The following NADSYN1 variants were observed in gnomAD, a reference collection of about 807,000 sequenced individuals.
NADSYN1 encodes the protein NAD synthetase 1.
Under a neutral mutation model 99.3 loss-of-function variants are expected in NADSYN1, and 80 were observed. The observed-to-expected ratio is 0.81, with a 90% CI of 0.67 to 0.97. The LOEUF is 0.97. Ranked by LOEUF, NADSYN1 falls within the 50% of genes least tolerant of loss-of-function variation. The pLI is 0.00. For synonymous variants in NADSYN1, 385 were observed against 372.1 expected (o/e 1.03, Z -0.40); for missense variants, 859 against 948.5 (o/e 0.91, Z 1.24).
At chr11:71,494,042 G>T (rs1164573893) in intron 18 of NADSYN1, among the ~76,000 whole-genome samples, 2 of 152,106 alleles carry the variant, frequency 1.3e-5, no homozygotes, top group Non-Finnish European at 2.9e-5. Context: ...ATAAGCTAAG[G>T]TTAATTTATT....
At chr11:71,456,196 T>G (rs1257670230) in intron 2 of NADSYN1, among the ~76,000 whole-genome samples, 1 of 152,260 alleles carries the variant, frequency 6.6e-6, no homozygotes, top group Non-Finnish European at 1.5e-5. Flanking sequence ...GAGGCATCTT[T>G]CTCTAAGTCC....
intron 9 of NADSYN1, chr11:71,475,984 G>A (rs1949662958): frequency 2.2e-6 from 1 of 455,152 alleles, no homozygotes; most frequent in Non-Finnish European, 4.4e-6. Context: ...AAAGTGCTGG[G>A]ATTACAGGTG....
intron 16 of NADSYN1, among the ~76,000 whole-genome samples, chr11:71,486,061 A>G (rs974567565): frequency 1.3e-5 from 2 of 152,266 alleles, no homozygotes; most frequent in Admixed American, 6.5e-5. Context: ...TCCTTGTTCA[A>G]CAAAACTCAG....
At chr11:71,492,359 A>G (rs1949787817) in intron 18 of NADSYN1, among the ~76,000 whole-genome samples, 1 of 152,074 alleles carries the variant, frequency 6.6e-6, no homozygotes, top group Non-Finnish European at 1.5e-5. Context: ...CTCTTAGGTC[A>G]CCAGGACTTG....
chr11:71,476,281 G>C (rs796838977), intron 9 of NADSYN1: 1 of 359,150 alleles, frequency 2.8e-6, no homozygotes, highest in South Asian at 2.1e-5. Flanking sequence ...CGGATTCACC[G>C]AGGCAGGCGG....
chr11:71,490,528 T>A (rs1193261691), intron 16 of NADSYN1, among the ~76,000 whole-genome samples: 1 of 152,100 alleles, frequency 6.6e-6, no homozygotes, highest in Non-Finnish European at 1.5e-5. Context: ...TCCACGTGTG[T>A]CCAGTCCCTG....
intron 1 of NADSYN1, 22 bp from the exon 2 acceptor site, chr11:71,455,088 C>CT (rs759494148): frequency 6.3e-7 from 1 of 1,599,286 alleles, no homozygotes; most frequent in Non-Finnish European, 8.6e-7. Flanking sequence ...GCTCCATTTT[C>CT]TTTTTCTCTC....
At chr11:71,497,035 CACCCAG>C (rs1949824796) in intron 18 of NADSYN1, 2 of 206,196 alleles carry the variant, frequency 9.7e-6, no homozygotes, top group Admixed American at 5.4e-5. Context: ...CACACCACCA[CACCCAG>C]CTAGTTTGTT....
chr11:71,473,289 C>T lies in NADSYN1; in HGVS notation c.471C>T (p.Pro157=). The T allele has an allele frequency of 6.2e-7, 1 of 1,614,172 alleles. No homozygotes were observed. The highest frequency in any genetic ancestry group is 8.5e-7 in the Non-Finnish European group (1 of 1,180,028). ...IQDLTKQETV[P]FGDAVLVTWD... The stretch of plus-strand genomic sequence containing the variant: ...TCTTCCGACTGCAGGAAACCGTACC[C>T]TTCGGAGATGCGGTGCTGGTGACAT... The change falls in exon 7 of 21, where the codon CCC becomes CCT. Residue 157 remains proline (P), a synonymous_variant. Transcript: ENST00000319023.
intron 2 of NADSYN1, among the ~76,000 whole-genome samples, chr11:71,455,672 T>C (rs1188830856): frequency 6.6e-6 from 1 of 152,192 alleles, no homozygotes; most frequent in Non-Finnish European, 1.5e-5. Flanking sequence ...AACCAGTCCT[T>C]ACCAGATACC....
At chr11:71,483,491 G>A (rs1356605789) in intron 14 of NADSYN1, among the ~76,000 whole-genome samples, 4 of 152,060 alleles carry the variant, frequency 2.6e-5, no homozygotes, top group Admixed American at 1.3e-4. Flanking sequence ...CTCTTCCCCT[G>A]CCCTCACTGC....
In NADSYN1 at chr11:71,458,423, T is replaced by C. The variant is rs770546635; in HGVS notation, c.147-5T>C. On this transcript the variant is annotated splice_polypyrimidine_tract_variant and splice_region_variant and intron_variant, in intron 2 of 20. Transcript: ENST00000319023. The stretch of plus-strand genomic sequence containing the variant: ...CTGGAGCTCACCTTCTCACTGTCTC[T>C]GCAGCGGCTACGGATGTTGGGATCA... The C allele has an allele frequency of 6.2e-7, 1 of 1,611,196 alleles. No individual in the cohort carries two copies. The highest frequency in any genetic ancestry group is 1.1e-5 in the South Asian group (1 of 91,024).
chr11:71,482,013 G>A lies in NADSYN1; in HGVS notation c.1138G>A (p.Val380Met), dbSNP rs147585323. The change falls in exon 13 of 21, where the codon GTG (valine) becomes ATG (methionine). Residue 380 changes from valine to methionine, a missense_variant. Physicochemically the swap from Val to Met is conservative, Grantham distance 21. Coordinates refer to ENST00000319023, the MANE Select transcript of NADSYN1 (RefSeq NM_018161.5). Reference protein sequence around the residue: ...YSMCCQVCEAVRSGNEEVLAD... With the variant: ...YSMCCQVCEAMRSGNEEVLAD... ...CATGTGCTGCCAGGTCTGCGAGGCCGTGAGGAGTGGAAGTAGGTGACATCT... is the reference window on the plus strand; with the variant it reads ...CATGTGCTGCCAGGTCTGCGAGGCCATGAGGAGTGGAAGTAGGTGACATCT... 6.9e-3 allele frequency: 11,109 copies of A among 1,610,474 alleles called. 63 individuals carry two copies. Among genetic ancestry groups the A allele is most frequent in the Non-Finnish European group, 7.9e-3 (9,343 of 1,178,394 alleles).
chr11:71,463,512 G>GA, intron 4 of NADSYN1, 27 bp downstream of exon 4: 1 of 1,603,264 alleles, frequency 6.2e-7, no homozygotes, highest in Non-Finnish European at 8.5e-7. Flanking sequence ...CACCCCGGGA[G>GA]GGTGACTGGG....
chr11:71,472,362 T>C, intron 5 of NADSYN1, 87 bp from the exon 6 acceptor site: 1 of 1,099,058 alleles, frequency 9.1e-7, no homozygotes, highest in Non-Finnish European at 1.4e-6. Flanking sequence ...TTCGGAGGGT[T>C]CAGTTTGAGT....
intron 3 of NADSYN1, chr11:71,458,978 TACC>T (rs952579211): frequency 5.2e-6 from 1 of 192,548 alleles, no homozygotes; most frequent in African/African-American, 2.3e-5. Context: ...GTCTGTGCTG[TACC>T]CTGCATCGCC....
At chr11:71,453,520 G>T in intron 1 of NADSYN1, 139 bp downstream of exon 1, 1 of 731,064 alleles carries the variant, frequency 1.4e-6, no homozygotes, top group East Asian at 2.8e-5. Context: ...GAGATAATGG[G>T]CAATGACCCC....
chr11:71,458,662 A>G (rs1949529184), intron 3 of NADSYN1, 118 bp downstream of exon 3: 1 of 741,694 alleles, frequency 1.3e-6, no homozygotes, highest in Non-Finnish European at 2.4e-6. Flanking sequence ...AGGGATACGA[A>G]AGGCCTTATG....
chr11:71,489,638 C>T (rs764876285), intron 16 of NADSYN1, among the ~76,000 whole-genome samples: 54 of 152,226 alleles, frequency 3.5e-4, no homozygotes, highest in South Asian at 6.2e-4. Context: ...CGGGACAGGA[C>T]AGGGAGCGAT....
Sources: gnomAD v4.1 joint callset for allele counts (sites outside exome capture counted in the v4.1 genomes callset) on GRCh38, gnomAD v4.1.1 for gene constraint, MANE v1.5 for transcripts, NCBI Gene and HGNC (gene_info 2026-07-23, HGNC 2026-07-21) for gene names.